Variants in DLG2 observed in about 807,000 individuals in gnomAD.
DLG2 encodes the protein disks large homolog 2.
In DLG2, 45 loss-of-function variants were observed where a neutral mutation model predicts 132.5. The ratio of observed to expected loss-of-function variants is 0.34; its 90% CI spans 0.27 to 0.44. The LOEUF (loss-of-function observed/expected upper bound fraction) is 0.44. DLG2 is among the 20% of genes least tolerant of loss of function. The pLI is 1.00. For missense variants in DLG2, 1,045 were observed against 1,196.9 expected (o/e 0.87, Z 1.87); for synonymous variants, 424 against 419.6 (o/e 1.01, Z -0.13).
At chr11:85,182,212 A>T (rs940059934) in intron 4 of DLG2, among the ~76,000 whole-genome samples, 2 of 151,814 alleles carry the variant, frequency 1.3e-5, no homozygotes, top group Admixed American at 1.3e-4. Context: ...GGAACTGTCA[A>T]CCCATTTTAA....
At chr11:83,494,020 T>C (rs1219921662) in intron 21 of DLG2, among the ~76,000 whole-genome samples, 1 of 152,096 alleles carries the variant, frequency 6.6e-6, no homozygotes, top group Non-Finnish European at 1.5e-5. Flanking sequence ...CCATGTTTCC[T>C]ATGACTGTCT....
chr11:85,408,374 T>A (rs958700993), intron 3 of DLG2, among the ~76,000 whole-genome samples: 1 of 150,850 alleles, frequency 6.6e-6, no homozygotes, highest in Non-Finnish European at 1.5e-5. Context: ...TATTGTAAAT[T>A]GTTTTGTACT....
intron 5 of DLG2, among the ~76,000 whole-genome samples, chr11:85,117,566 T>G (rs577053694): frequency 1.2e-4 from 17 of 141,904 alleles, no homozygotes; most frequent in Non-Finnish European, 1.5e-4. Flanking sequence ...CCTCTTATGC[T>G]CCAAACTTGG....
chr11:83,466,860 A>C, intron 25 of DLG2, 43 bp from the exon 26 acceptor site: 1 of 1,350,754 alleles, frequency 7.4e-7, no homozygotes, highest in Non-Finnish European at 1.1e-6. Context: ...TATAGGAAGC[A>C]TGGCCATAAT....
chr11:84,227,773 C>T (rs2097024665), intron 8 of DLG2, among the ~76,000 whole-genome samples: 1 of 151,962 alleles, frequency 6.6e-6, no homozygotes, highest in Admixed American at 6.6e-5. Context: ...AATTAGCTAG[C>T]TGTGGTGGTA....
intron 3 of DLG2, among the ~76,000 whole-genome samples, chr11:85,547,623 A>C (rs1472926124): frequency 6.6e-6 from 1 of 152,166 alleles, no homozygotes; most frequent in Non-Finnish European, 1.5e-5. Context: ...CGGTACACCA[A>C]ACAAATGTAG....
At chr11:84,411,782 G>A (rs1054948991) in intron 7 of DLG2, among the ~76,000 whole-genome samples, 3 of 152,142 alleles carry the variant, frequency 2.0e-5, no homozygotes, top group Non-Finnish European at 4.4e-5. Flanking sequence ...TCATTATCAT[G>A]CCACAGTTAT....
At chr11:83,781,374 G>GA (rs1023551880) in intron 18 of DLG2, among the ~76,000 whole-genome samples, 8 of 151,748 alleles carry the variant, frequency 5.3e-5, no homozygotes, top group Admixed American at 1.3e-4. Flanking sequence ...TAAGTATCCA[G>GA]AAAAAAAATA....
chr11:85,533,439 C>CAT (rs1327023215), intron 3 of DLG2, among the ~76,000 whole-genome samples: 4 of 145,516 alleles, frequency 2.7e-5, no homozygotes, highest in Non-Finnish European at 6.0e-5. Flanking sequence ...ATATGAAATA[C>CAT]ATATATATAC....
At position 84,784,281 on chromosome 11, in the gene DLG2, T is replaced by C. The variant is rs368095307; in HGVS notation, c.358-249550A>G. ...GTTTCAGTGAGCCGAGATTGCACCATTGCATTTCAGCCTGGGCAACAAGAG... is the reference window on the plus strand; with the variant it reads ...GTTTCAGTGAGCCGAGATTGCACCACTGCATTTCAGCCTGGGCAACAAGAG... On this transcript the variant is annotated intron_variant, in intron 6 of 27. Coordinates refer to ENST00000376104, the MANE Select transcript of DLG2 (RefSeq NM_001142699.3). 1.2e-3 allele frequency among the ~76,000 whole-genome samples: 170 copies of C among 147,726 alleles called. 2 individuals are homozygous for C. The highest frequency in any genetic ancestry group is 3.5e-3 in the African/African-American group (140 of 40,342).
chr11:83,504,207 G>T (rs1389000972), intron 21 of DLG2, among the ~76,000 whole-genome samples: 1 of 152,138 alleles, frequency 6.6e-6, no homozygotes, highest in Non-Finnish European at 1.5e-5. Flanking sequence ...TGGTATTGAT[G>T]ACTTCTTCTA....
intron 14 of DLG2, among the ~76,000 whole-genome samples, chr11:83,943,984 C>T (rs1044278837): frequency 9.2e-5 from 14 of 152,160 alleles, no homozygotes; most frequent in African/African-American, 3.4e-4. Flanking sequence ...AAAGCCTTCA[C>T]AAATCACCTG....
At chr11:85,509,975 G>A (rs1175549588) in intron 3 of DLG2, 1 of 149,662 alleles carries the variant, frequency 6.7e-6, no homozygotes, top group Non-Finnish European at 1.5e-5. Flanking sequence ...AAATTGGAAT[G>A]ATACAGAGAA....
At position 85,498,553 on chromosome 11, in the gene DLG2, T is replaced by C. The variant is rs7931532; in HGVS notation, c.40+100104A>G. Among the ~76,000 whole-genome samples, 957 of 152,262 alleles carry C rather than the reference T, an allele frequency of 6.3e-3. 8 individuals carry two copies. The highest frequency in any genetic ancestry group is 0.022 in the African/African-American group (897 of 41,536). The stretch of plus-strand genomic sequence containing the variant: ...GAAAATTAACAAGGATATCCAGGAC[T>C]TGAACACACCTCTGCACCAAGCAGA... On this transcript the variant is annotated intron_variant, in intron 3 of 27. Transcript: ENST00000376104.
chr11:85,497,069 G>A (rs1360404861), intron 3 of DLG2, among the ~76,000 whole-genome samples: 1 of 151,996 alleles, frequency 6.6e-6, no homozygotes, highest in Non-Finnish European at 1.5e-5. Context: ...AAATGAGATG[G>A]AGAATGAGTT....
At chr11:84,990,128 GA>G (rs2056927228) in intron 6 of DLG2, among the ~76,000 whole-genome samples, 1 of 152,186 alleles carries the variant, frequency 6.6e-6, no homozygotes. Flanking sequence ...CACGATATGT[GA>G]AGAACTCCAC....
At chr11:83,906,086 TATATATATATATATATATAC>T (rs1488866829) in intron 15 of DLG2, among the ~76,000 whole-genome samples, 1,747 of 62,126 alleles carry the variant, frequency 0.028, 31 homozygotes, top group African/African-American at 0.1. Context: ...TCTCTCTATA[TATATATATATATATATATAC>T]ATATATAGTT....
Position 83,672,300 on chromosome 11 carries a change from T to C in DLG2, c.1826-38975A>G, listed in dbSNP as rs972947174. Reference sequence around the variant, plus strand: ...CCCGGGTTCAAGTGATTCTCCTGCCTCAGCCTCCCAAGTGGTTGGGACTAC... The same window carrying C: ...CCCGGGTTCAAGTGATTCTCCTGCCCCAGCCTCCCAAGTGGTTGGGACTAC... On this transcript the variant is annotated intron_variant, in intron 18 of 27. Coordinates refer to ENST00000376104, the MANE Select transcript of DLG2 (RefSeq NM_001142699.3). 3.3e-5 allele frequency among the ~76,000 whole-genome samples: 5 copies of C among 152,230 alleles called. No homozygotes were observed. In the East Asian group the frequency reaches 7.7e-4, roughly 24 times the overall value.
intron 17 of DLG2, among the ~76,000 whole-genome samples, chr11:83,829,750 T>A (rs1468350970): frequency 6.6e-6 from 1 of 151,970 alleles, no homozygotes; most frequent in Non-Finnish European, 1.5e-5. Context: ...TTTATTTATT[T>A]ATTTTTATTA....
Sources: allele counts gnomAD v4.1 joint callset (sites outside exome capture counted in the v4.1 genomes callset), GRCh38; gene constraint gnomAD v4.1.1; transcripts MANE v1.5; gene names NCBI Gene and HGNC (gene_info 2026-07-23, HGNC 2026-07-21).